Variants in SWT1 observed in about 807,000 individuals in gnomAD.
SWT1 encodes SWT1 RNA endoribonuclease homolog, also known as transcriptional protein SWT1.
A neutral mutation model predicts 107.3 loss-of-function variants in SWT1; 33 were observed. The observed-to-expected ratio is 0.31, with a 90% CI of 0.23 to 0.41. The LOEUF (loss-of-function observed/expected upper bound fraction) is 0.41. SWT1 is among the 10% of genes least tolerant of loss of function. SWT1 has a pLI of 1.00. For missense variants in SWT1, 898 were observed against 1,028.9 expected (o/e 0.87, Z 1.74); for synonymous variants, 345 against 348.3 (o/e 0.99, Z 0.11).
chr1:185,259,731 C>T (rs911471103), intron 16 of SWT1, among the ~76,000 whole-genome samples: 1 of 152,082 alleles, frequency 6.6e-6, no homozygotes, highest in Non-Finnish European at 1.5e-5. Flanking sequence ...GCAGACTTTT[C>T]CCTCTATAGG....
intron 16 of SWT1, among the ~76,000 whole-genome samples, chr1:185,237,687 T>TA (rs1055921238): frequency 1.3e-4 from 19 of 150,614 alleles, no homozygotes; most frequent in African/African-American, 4.2e-4. Flanking sequence ...CCCCAGAACT[T>TA]AAAGTATAAT....
chr1:185,234,165 A>G (rs184839183), intron 16 of SWT1, among the ~76,000 whole-genome samples: 95 of 152,304 alleles, frequency 6.2e-4, no homozygotes, highest in Middle Eastern at 3.4e-3. Context: ...AGTCCTGGAT[A>G]TCTTTGTTAA....
At chr1:185,240,275 C>T (rs1661175543) in intron 16 of SWT1, among the ~76,000 whole-genome samples, 1 of 152,002 alleles carries the variant, frequency 6.6e-6, no homozygotes, top group African/African-American at 2.4e-5. Context: ...AATATACTAG[C>T]TCATGCCCAA....
chr1:185,266,899 A>G (rs1380986858), intron 16 of SWT1, among the ~76,000 whole-genome samples: 1 of 152,226 alleles, frequency 6.6e-6, no homozygotes, highest in Admixed American at 6.5e-5. Context: ...AACGTACATG[A>G]AATAATTTGC....
intron 11 of SWT1, among the ~76,000 whole-genome samples, chr1:185,204,412 G>T (rs1178627163): frequency 6.6e-6 from 1 of 152,008 alleles, no homozygotes; most frequent in Admixed American, 6.6e-5. Flanking sequence ...TTAAATTGTA[G>T]TTGAAATATC....
At chr1:185,262,928 C>A (rs191365252) in intron 16 of SWT1, among the ~76,000 whole-genome samples, 1 of 151,930 alleles carries the variant, frequency 6.6e-6, no homozygotes, top group South Asian at 2.1e-4. Context: ...GCTGGGAATA[C>A]AGGCGTGTGC....
chr1:185,272,296 T>A (rs1571682010), intron 17 of SWT1, among the ~76,000 whole-genome samples: 1 of 152,244 alleles, frequency 6.6e-6, no homozygotes, highest in South Asian at 2.1e-4. Context: ...CTGTTGTCAA[T>A]TTCTGTGTGC....
chr1:185,287,835 C>T (rs886583080), intron 18 of SWT1, among the ~76,000 whole-genome samples: 1 of 152,122 alleles, frequency 6.6e-6, no homozygotes, highest in African/African-American at 2.4e-5. Context: ...CTACAGGAAG[C>T]AAAATCTGTA....
chr1:185,213,336 T>C (rs906291644), intron 13 of SWT1, among the ~76,000 whole-genome samples: 4 of 152,214 alleles, frequency 2.6e-5, no homozygotes, highest in African/African-American at 9.6e-5. Flanking sequence ...AGTCATTGGC[T>C]TTAAAAAGAA....
At chr1:185,201,118 C>T (rs942461504) in intron 10 of SWT1, among the ~76,000 whole-genome samples, 3 of 152,120 alleles carry the variant, frequency 2.0e-5, no homozygotes, top group South Asian at 4.1e-4. Flanking sequence ...ATTCCAGCAT[C>T]CTAGGTTGAC....
intron 14 of SWT1, among the ~76,000 whole-genome samples, chr1:185,220,888 G>T (rs1305607828): frequency 6.6e-6 from 1 of 152,214 alleles, no homozygotes; most frequent in Non-Finnish European, 1.5e-5. Context: ...TGCAGTGATT[G>T]TGGAACATCA....
chr1:185,269,141 C>A (rs563865425), intron 16 of SWT1, among the ~76,000 whole-genome samples: 11 of 152,062 alleles, frequency 7.2e-5, no homozygotes, highest in Admixed American at 3.9e-4. Flanking sequence ...CGTGAGCCAC[C>A]GCGCCTGGCC....
intron 5 of SWT1, among the ~76,000 whole-genome samples, chr1:185,175,404 T>A (rs1161617691): frequency 2.0e-5 from 3 of 152,068 alleles, no homozygotes; most frequent in Non-Finnish European, 4.4e-5. Flanking sequence ...CTTTGGTGTT[T>A]TTTGCAGAGA....
At chr1:185,186,602 AAAAC>A (rs1448983204) in intron 9 of SWT1, among the ~76,000 whole-genome samples, 2 of 152,212 alleles carry the variant, frequency 1.3e-5, no homozygotes, top group Non-Finnish European at 2.9e-5. Flanking sequence ...ACGTTAAATA[AAAAC>A]AAACATAAGA....
chr1:185,272,178 C>G (rs1663915515), intron 17 of SWT1, among the ~76,000 whole-genome samples: 1 of 152,180 alleles, frequency 6.6e-6, no homozygotes, highest in South Asian at 2.1e-4. Flanking sequence ...TTAGTTTCCT[C>G]TATAGTGGCA....
At chr1:185,189,100 T>G (rs1656729829) in intron 9 of SWT1, among the ~76,000 whole-genome samples, 1 of 152,138 alleles carries the variant, frequency 6.6e-6, no homozygotes, top group African/African-American at 2.4e-5. Context: ...CTCCTCGGCC[T>G]CCTGAGTAGC....
chr1:185,211,649 G>A (rs1658818046), intron 13 of SWT1, among the ~76,000 whole-genome samples: 1 of 152,144 alleles, frequency 6.6e-6, no homozygotes, highest in South Asian at 2.1e-4. Context: ...TCAGTGTGAC[G>A]ATTCCTCAGG....
intron 7 of SWT1, 124 bp downstream of exon 7, chr1:185,182,181 A>C: frequency 3.1e-6 from 3 of 952,974 alleles, no homozygotes; most frequent in Non-Finnish European, 4.4e-6. Flanking sequence ...ATGAATGATA[A>C]AGTAATAGTT....
intron 5 of SWT1, among the ~76,000 whole-genome samples, chr1:185,175,732 A>G (rs1328532952): frequency 2.0e-5 from 3 of 152,196 alleles, no homozygotes; most frequent in African/African-American, 7.2e-5. Flanking sequence ...TGAAAAAAGC[A>G]TTGTATGCTG....
Sources: gnomAD v4.1 joint callset for allele counts (sites outside exome capture counted in the v4.1 genomes callset) on GRCh38, gnomAD v4.1.1 for gene constraint, MANE v1.5 for transcripts, NCBI Gene and HGNC (gene_info 2026-07-23, HGNC 2026-07-21) for gene names.